The following SPPL2A variants were observed in gnomAD, a reference collection of about 807,000 sequenced individuals.
SPPL2A encodes the protein signal peptide peptidase like 2A.
In SPPL2A, 51 loss-of-function variants were observed where a neutral mutation model predicts 63.8. That is an observed-to-expected ratio of 0.80 (90% CI 0.64 to 1.01). SPPL2A has a LOEUF of 1.01. Ranked by LOEUF, SPPL2A falls within the 50% of genes least tolerant of loss-of-function variation. SPPL2A has a pLI of 0.00. For synonymous variants in SPPL2A, 188 were observed against 205.8 expected (o/e 0.91, Z 0.74); for missense variants, 553 against 622.7 (o/e 0.89, Z 1.19).
At chr15:50,728,884 G>T (rs539864878) in intron 10 of SPPL2A, among the ~76,000 whole-genome samples, 1 of 151,432 alleles carries the variant, frequency 6.6e-6, no homozygotes, top group Non-Finnish European at 1.5e-5. Context: ...CGCAATCTTG[G>T]CTCACTGCAA....
chr15:50,708,481 G>A (rs995377573), intron 14 of SPPL2A, among the ~76,000 whole-genome samples: 3 of 152,084 alleles, frequency 2.0e-5, no homozygotes, highest in Non-Finnish European at 4.4e-5. Context: ...GCTGAGATGG[G>A]CAGATCATGA....
At chr15:50,729,114 T>C (rs1010951053) in intron 10 of SPPL2A, among the ~76,000 whole-genome samples, 4 of 149,774 alleles carry the variant, frequency 2.7e-5, no homozygotes, top group Non-Finnish European at 5.9e-5. Flanking sequence ...GCACCCGGCC[T>C]CTTAATTATT....
intron 5 of SPPL2A, among the ~76,000 whole-genome samples, chr15:50,740,145 T>C (rs191294405): frequency 2.0e-5 from 3 of 152,204 alleles, no homozygotes; most frequent in African/African-American, 7.2e-5. Context: ...AGAGATGACG[T>C]TGGCCGAGCA....
intron 10 of SPPL2A, among the ~76,000 whole-genome samples, chr15:50,729,908 G>A (rs927165171): frequency 1.3e-5 from 2 of 151,702 alleles, no homozygotes; most frequent in African/African-American, 4.8e-5. Context: ...GGCCAACGTG[G>A]GAGGACTCCT....
At position 50,703,875 on chromosome 15, in the gene SPPL2A, A is replaced by T. The variant is rs2062493170; in HGVS notation, c.*3925T>A. 6.6e-6 allele frequency: 1 copy of T among 152,142 alleles called. No homozygotes were observed. The highest frequency in any genetic ancestry group is 6.6e-5 in the Admixed American group (1 of 15,246). 9.4% of individuals were successfully genotyped at this position (152,142 alleles called of 1,614,324 possible). ...TAATTTTTGCTTATACTAAAGCATA[A>T]ATTGAAAGAGCAAAGAAAACTGGAA... On this transcript the variant is annotated 3_prime_UTR_variant, in exon 15 of 15. Coordinates refer to ENST00000261854, the MANE Select transcript of SPPL2A (RefSeq NM_032802.4).
chr15:50,723,197 C>G (rs1428429413), intron 12 of SPPL2A, among the ~76,000 whole-genome samples: 1 of 152,130 alleles, frequency 6.6e-6, no homozygotes, highest in Middle Eastern at 3.2e-3. Flanking sequence ...GAACCCTGTA[C>G]ATTGCTTATG....
chr15:50,720,083 T>A lies in SPPL2A; in HGVS notation c.1345A>T (p.Ile449Leu). 6.2e-7 allele frequency: 1 copy of A among 1,612,142 alleles called. No individual in the cohort carries two copies. The highest frequency in any genetic ancestry group is 2.2e-5 in the East Asian group (1 of 44,814). The change falls in exon 14 of 15, where the codon ATA becomes TTA. Residue 449 changes from isoleucine (I) to leucine (L), a missense_variant. By Grantham distance (5) the Ile-to-Leu change is conservative. Transcript: ENST00000261854. ...AGCACCAGAACAACAAATGTAAGTA[T>A]CATGCCAATAGCATAGGCTGCAAGA... ...SSTVAYAIGM[I>L]LTFVVLVLMK...
chr15:50,758,481 G>A (rs554583467), intron 1 of SPPL2A, among the ~76,000 whole-genome samples: 18 of 150,602 alleles, frequency 1.2e-4, no homozygotes, highest in African/African-American at 3.9e-4. Context: ...AAGAGCAGGT[G>A]CCCCCCTGGC....
At position 50,734,713 on chromosome 15, in the gene SPPL2A, G is replaced by C. The variant is rs575878590; in HGVS notation, c.932+1388C>G. ...CAACACAAAGAAATGACAAAGGCTT[G>C]AGGTGATGGATACCACTATTACTCT... On this transcript the variant is annotated intron_variant, in intron 8 of 14. Transcript: ENST00000261854. 2.0e-5 allele frequency among the ~76,000 whole-genome samples: 3 copies of C among 152,282 alleles called. No individual in the cohort carries two copies. The East Asian group carries it at 5.8e-4, about 29-fold the overall frequency.
chr15:50,724,362 G>C (rs1399656259), intron 12 of SPPL2A, among the ~76,000 whole-genome samples: 1 of 152,102 alleles, frequency 6.6e-6, no homozygotes, highest in Non-Finnish European at 1.5e-5. Context: ...AGATCACAAG[G>C]TCAGGAGATC....
intron 1 of SPPL2A, chr15:50,764,494 CACTAATACTA>C (rs1181217566): frequency 6.6e-6 from 1 of 152,140 alleles, no homozygotes; most frequent in Non-Finnish European, 1.5e-5. Flanking sequence ...CTTTTGTATT[CACTAATACTA>C]ACCCCTTAAA....
chr15:50,721,437 CTTTTT>C (rs113559548), intron 13 of SPPL2A, among the ~76,000 whole-genome samples: 1 of 145,280 alleles, frequency 6.9e-6, no homozygotes, highest in Non-Finnish European at 1.5e-5. Context: ...TTCTTCCTTT[CTTTTT>C]TTTTTTGAGA....
At chr15:50,727,330 G>C (rs1215177444) in intron 10 of SPPL2A, among the ~76,000 whole-genome samples, 1 of 152,170 alleles carries the variant, frequency 6.6e-6, no homozygotes, top group Admixed American at 6.6e-5. Context: ...GAGCAGAAAG[G>C]AGGATAAAAC....
At chr15:50,745,300 G>A (rs929919142) in intron 5 of SPPL2A, among the ~76,000 whole-genome samples, 2 of 151,962 alleles carry the variant, frequency 1.3e-5, no homozygotes, top group Admixed American at 6.6e-5. Flanking sequence ...ACAGGCGCAC[G>A]CCACCACACC....
intron 14 of SPPL2A, among the ~76,000 whole-genome samples, chr15:50,708,877 A>G (rs2062534955): frequency 6.6e-6 from 1 of 151,544 alleles, no homozygotes; most frequent in Admixed American, 6.6e-5. Flanking sequence ...ACAAAAAAAT[A>G]CAAAAAAAAA....
chr15:50,749,891 G>A (rs1335326644), intron 1 of SPPL2A, 145 bp from the exon 2 acceptor site: 7 of 621,998 alleles, frequency 1.1e-5, no homozygotes, highest in Non-Finnish European at 1.7e-5. Flanking sequence ...CTTGTTTGAG[G>A]AAATAAAAAG....
Position 50,703,325 on chromosome 15 carries a change from C to CATATATATATAT in SPPL2A, c.*4463_*4474dup, listed in dbSNP as rs376948410. The CATATATATATAT allele has an allele frequency of 1.7e-4, 14 of 83,056 alleles. No individual in the cohort carries two copies. Among genetic ancestry groups the CATATATATATAT allele is most frequent in the African/African-American group, 6.0e-4 (13 of 21,670 alleles). The allele number at this position is 83,056 out of a possible 1,614,324, so 5.1% of individuals were successfully genotyped here. ...GCCTAAATAAATTAGTTCATATATA[C>CATATATATATAT]ATATATATATATATATATATACATA... On this transcript the variant is annotated 3_prime_UTR_variant, in exon 15 of 15. Coordinates refer to ENST00000261854, the MANE Select transcript of SPPL2A (RefSeq NM_032802.4).
At chr15:50,762,049 G>T (rs1258648751) in intron 1 of SPPL2A, among the ~76,000 whole-genome samples, 3 of 152,090 alleles carry the variant, frequency 2.0e-5, no homozygotes, top group Non-Finnish European at 4.4e-5. Context: ...GGTCGAGGTT[G>T]AACTGGGGAA....
intron 1 of SPPL2A, among the ~76,000 whole-genome samples, chr15:50,752,983 C>A (rs768538182): frequency 6.6e-6 from 1 of 151,982 alleles, no homozygotes; most frequent in Non-Finnish European, 1.5e-5. Flanking sequence ...TCTTGTGATT[C>A]ATATCTACAG....
Sources: allele counts gnomAD v4.1 joint callset (sites outside exome capture counted in the v4.1 genomes callset), GRCh38; gene constraint gnomAD v4.1.1; transcripts MANE v1.5; gene names NCBI Gene and HGNC (gene_info 2026-07-23, HGNC 2026-07-21).